The following ABTB3 variants were observed in gnomAD, a reference collection of about 807,000 sequenced individuals.
ABTB3 encodes the protein ankyrin repeat- and BTB/POZ domain-containing protein 3.
chr12:107,541,125 C>G, the ABTB3 span, among the ~76,000 whole-genome samples: 1 of 152,224 alleles, frequency 6.6e-6, no homozygotes, highest in Non-Finnish European at 1.5e-5. Context: ...GTGAACAGTC[C>G]TCTTGTCAGT....
At chr12:107,659,065 T>C in the ABTB3 span, 1 of 152,342 alleles carries the variant, frequency 6.6e-6, no homozygotes, top group African/African-American at 2.4e-5. Context: ...GAAACCTAGA[T>C]ACATGCAGTA....
chr12:107,397,238 T>C, the ABTB3 span, among the ~76,000 whole-genome samples: 1 of 152,176 alleles, frequency 6.6e-6, no homozygotes, highest in East Asian at 1.9e-4. Context: ...ATTAGCAACA[T>C]CTGAGAGTTC....
chr12:107,621,548 A>C, the ABTB3 span, among the ~76,000 whole-genome samples: 1 of 152,226 alleles, frequency 6.6e-6, no homozygotes, highest in Non-Finnish European at 1.5e-5. Flanking sequence ...GTATTAAGTA[A>C]AACTAACCTG....
the ABTB3 span, among the ~76,000 whole-genome samples, chr12:107,518,476 C>A: frequency 6.6e-6 from 1 of 151,880 alleles, no homozygotes; most frequent in South Asian, 2.1e-4. Context: ...AGATGGAAAC[C>A]ATCATTCTCA....
the ABTB3 span, among the ~76,000 whole-genome samples, chr12:107,414,459 C>T: frequency 2.6e-4 from 40 of 152,200 alleles, no homozygotes; most frequent in African/African-American, 9.4e-4. Flanking sequence ...CCAAAAAACC[C>T]GAGCATGCAC....
the ABTB3 span, among the ~76,000 whole-genome samples, chr12:107,465,415 T>C: frequency 1.3e-5 from 2 of 152,038 alleles, no homozygotes; most frequent in Non-Finnish European, 2.9e-5. Flanking sequence ...TACAACTGTG[T>C]TCCTCCCCTA....
chr12:107,627,316 G>A, the ABTB3 span, among the ~76,000 whole-genome samples: 2 of 152,146 alleles, frequency 1.3e-5, no homozygotes, highest in Admixed American at 6.5e-5. Flanking sequence ...CTTAGGAAGT[G>A]ACCTGCCCCA....
chr12:107,604,029 T>C, the ABTB3 span, among the ~76,000 whole-genome samples: 2 of 151,686 alleles, frequency 1.3e-5, no homozygotes, highest in African/African-American at 4.8e-5. Context: ...ATTAGCCAGG[T>C]GTGGTGGCGG....
At chr12:107,544,203 C>T in the ABTB3 span, 1 of 1,527,232 alleles carries the variant, frequency 6.5e-7, no homozygotes, top group Non-Finnish European at 9.0e-7. Flanking sequence ...GGCAAGTGTC[C>T]AGGATGGGGA....
At chr12:107,319,413 C>T in the ABTB3 span, 1 of 1,604,460 alleles carries the variant, frequency 6.2e-7, no homozygotes, top group Non-Finnish European at 8.5e-7. Context: ...GCCAAGTGCA[C>T]CAAGTACGAG....
At chr12:107,400,353 G>A in the ABTB3 span, among the ~76,000 whole-genome samples, 3 of 152,172 alleles carry the variant, frequency 2.0e-5, no homozygotes, top group African/African-American at 4.8e-5. Context: ...TCTCCACTGG[G>A]ATTTCTGATT....
the ABTB3 span, among the ~76,000 whole-genome samples, chr12:107,353,292 AG>A: frequency 6.6e-6 from 1 of 152,164 alleles, no homozygotes; most frequent in African/African-American, 2.4e-5. Context: ...ACACCATGTG[AG>A]CCGTCAAGGA....
chr12:107,590,831 A>G, the ABTB3 span, among the ~76,000 whole-genome samples: 45 of 152,260 alleles, frequency 3.0e-4, no homozygotes, highest in African/African-American at 9.4e-4. Context: ...GGAAACAGGG[A>G]TTTATTGATT....
the ABTB3 span, among the ~76,000 whole-genome samples, chr12:107,358,916 C>G: frequency 1.3e-5 from 2 of 152,102 alleles, no homozygotes; most frequent in East Asian, 1.9e-4. Context: ...AGGAGGCCTC[C>G]TAGGATTCTG....
At chr12:107,463,151 G>A in the ABTB3 span, among the ~76,000 whole-genome samples, 49 of 151,850 alleles carry the variant, frequency 3.2e-4, no homozygotes, top group Admixed American at 1.2e-3. Context: ...TGATGATGTA[G>A]TGACAATGAT....
the ABTB3 span, among the ~76,000 whole-genome samples, chr12:107,629,921 C>T: frequency 1.5e-3 from 230 of 152,182 alleles, 1 homozygote; most frequent in African/African-American, 5.3e-3. Context: ...GGATCTCACC[C>T]CCTGACAGCA....
chr12:107,520,545 G>A, the ABTB3 span: 2 of 1,614,214 alleles, frequency 1.2e-6, no homozygotes, highest in East Asian at 2.2e-5. Context: ...GGTCAAACAA[G>A]CCAGGGGAAC....
At chr12:107,548,054 A>G in the ABTB3 span, among the ~76,000 whole-genome samples, 1 of 152,228 alleles carries the variant, frequency 6.6e-6, no homozygotes, top group Non-Finnish European at 1.5e-5. Context: ...CATGTGGAAG[A>G]ACTTCAGAGG....
the ABTB3 span, among the ~76,000 whole-genome samples, chr12:107,479,937 C>G: frequency 3.9e-5 from 6 of 152,138 alleles, no homozygotes; most frequent in African/African-American, 1.4e-4. Context: ...TCCAGGATAG[C>G]CAGCCTCAGA....
Sources: gnomAD v4.1 joint callset for allele counts (sites outside exome capture counted in the v4.1 genomes callset) on GRCh38, gnomAD v4.1.1 for gene constraint, MANE v1.5 for transcripts, NCBI Gene and HGNC (gene_info 2026-07-23, HGNC 2026-07-21) for gene names.